CEP350: variants seen among roughly 807,000 people sequenced by gnomAD.
The protein encoded by CEP350 is centrosomal protein 350.
Under a neutral mutation model 331.8 loss-of-function variants are expected in CEP350, and 126 were observed. The ratio of observed to expected loss-of-function variants is 0.38; its 90% CI spans 0.33 to 0.44. CEP350 has a LOEUF of 0.44. CEP350 is among the 20% of genes least tolerant of loss of function. The pLI is 1.00. For synonymous variants in CEP350, 1,200 were observed against 1,259.5 expected (o/e 0.95, Z 1.00); for missense variants, 3,406 against 3,634.6 (o/e 0.94, Z 1.62).
intron 30 of CEP350, among the ~76,000 whole-genome samples, chr1:180,082,480 A>C (rs1476143713): frequency 2.0e-5 from 3 of 152,044 alleles, no homozygotes; most frequent in Non-Finnish European, 4.4e-5. Flanking sequence ...ACACCTGGCT[A>C]ATTTTTGTAT....
At chr1:180,030,339 A>C (rs1193794281) in intron 14 of CEP350, among the ~76,000 whole-genome samples, 2 of 144,632 alleles carry the variant, frequency 1.4e-5, no homozygotes, top group African/African-American at 2.6e-5. Context: ...ATGTGTGTAT[A>C]TATAAACATA....
At chr1:180,092,549 T>C in intron 33 of CEP350, 65 bp from the exon 34 acceptor site, 1 of 1,285,430 alleles carries the variant, frequency 7.8e-7, no homozygotes, top group East Asian at 2.4e-5. Flanking sequence ...CTCTAAACTT[T>C]GGTTCACAAA....
chr1:180,057,243 C>T lies in CEP350; in HGVS notation c.5262+2741C>T, dbSNP rs140344622. ...CCTCCTGAGTAGCTGGGATTACAGG[C>T]GTCTGCCACCACACCCAGCTAATTT... On this transcript the variant is annotated intron_variant, in intron 25 of 37. Transcript: ENST00000367607. Among the ~76,000 whole-genome samples the T allele has an allele frequency of 5.5e-3, 830 of 151,880 alleles. 21 individuals are homozygous for T. The East Asian group carries it at 0.064, about 12-fold the overall frequency.
chr1:180,061,230 C>CT (rs1218359249), intron 25 of CEP350, among the ~76,000 whole-genome samples: 2 of 152,166 alleles, frequency 1.3e-5, no homozygotes, highest in Non-Finnish European at 2.9e-5. Flanking sequence ...GGGTCTCACT[C>CT]TGTTTCCTGG....
chr1:180,099,988 G>A lies in CEP350; in HGVS notation c.9189+1003G>A, dbSNP rs184208654. 7.3e-3 allele frequency among the ~76,000 whole-genome samples: 1,115 copies of A among 152,228 alleles called. 13 individuals carry two copies. The highest frequency in any genetic ancestry group is 0.025 in the African/African-American group (1,046 of 41,536). ...TTTAGTAGAGATGGGATTTCGCCAT[G>A]TTGGCCAGGCTGGTCTCAAACTCCT... On this transcript the variant is annotated intron_variant, in intron 37 of 37. Transcript: ENST00000367607.
At chr1:180,008,086 A>G (rs545758345) in intron 8 of CEP350, among the ~76,000 whole-genome samples, 5 of 152,240 alleles carry the variant, frequency 3.3e-5, no homozygotes, top group African/African-American at 7.2e-5. Context: ...GAACTTTTCT[A>G]TACAAGGGGA....
intron 14 of CEP350, among the ~76,000 whole-genome samples, chr1:180,029,971 T>A (rs889212076): frequency 6.6e-6 from 1 of 152,110 alleles, no homozygotes; most frequent in Non-Finnish European, 1.5e-5. Context: ...AAGGTTCATC[T>A]GTATTGTAGC....
At chr1:180,080,267 A>G (rs1170718423) in intron 29 of CEP350, among the ~76,000 whole-genome samples, 2 of 152,118 alleles carry the variant, frequency 1.3e-5, no homozygotes, top group Admixed American at 6.6e-5. Context: ...TTTTTAAACC[A>G]TGCTCTTTTA....
rs1436164464 is a variant in CEP350 at position 179,992,263 on chromosome 1, C to T, written c.395+42C>T. ...AAAAAAGGTATCAAATAGGTTTAGCCTGTAATATTTACAGTAAGAGTATAC... is the reference window on the plus strand; with the variant it reads ...AAAAAAGGTATCAAATAGGTTTAGCTTGTAATATTTACAGTAAGAGTATAC... On this transcript the variant is annotated intron_variant, in intron 5 of 37. Transcript: ENST00000367607. 5.7e-6 allele frequency: 8 copies of T among 1,409,258 alleles called. No homozygotes were observed. In the African/African-American group the frequency reaches 9.1e-5, roughly 16 times the overall value. 87.3% of individuals were successfully genotyped at this position (1,409,258 alleles called of 1,614,324 possible). A position where few individuals can be genotyped will look rare whatever the true frequency, so the allele number is the denominator to read the frequency against.
At position 180,047,757 on chromosome 1, in the gene CEP350, C is replaced by CAAAAAAAAAAA. The variant is rs5779043; in HGVS notation, c.4623-768_4623-758dup. 2.1e-3 allele frequency among the ~76,000 whole-genome samples: 157 copies of CAAAAAAAAAAA among 73,100 alleles called. 1 individual carries two copies. The highest frequency in any genetic ancestry group is 2.7e-3 in the East Asian group (6 of 2,264). 48.0% of individuals were successfully genotyped at this position (73,100 alleles called of 152,430 possible). A position where few individuals can be genotyped will look rare whatever the true frequency, so the allele number is the denominator to read the frequency against. On this transcript the variant is annotated intron_variant, in intron 21 of 37. Coordinates refer to ENST00000367607, the MANE Select transcript of CEP350 (RefSeq NM_014810.5). The stretch of plus-strand genomic sequence containing the variant: ...GCCTGGGCGACAGAATGAAACTCCT[C>CAAAAAAAAAAA]AAAAAAAAAAAAAAAAAAAAAGAAA...
intron 16 of CEP350, 67 bp from the exon 17 acceptor site, chr1:180,036,859 C>T: frequency 2.1e-6 from 3 of 1,414,518 alleles, no homozygotes; most frequent in Non-Finnish European, 2.8e-6. Context: ...CTTAAAATGA[C>T]AGATTTTAGA....
chr1:180,043,403 G>A (rs1010099856), intron 20 of CEP350, among the ~76,000 whole-genome samples: 1 of 152,248 alleles, frequency 6.6e-6, no homozygotes, highest in Middle Eastern at 3.4e-3. Flanking sequence ...TATGAAAGAA[G>A]GGAACACATG....
intron 22 of CEP350, among the ~76,000 whole-genome samples, chr1:180,050,332 G>C (rs1657402462): frequency 6.6e-6 from 1 of 152,040 alleles, no homozygotes; most frequent in South Asian, 2.1e-4. Context: ...ATTTGATAAA[G>C]GATTTATATC....
intron 1 of CEP350, among the ~76,000 whole-genome samples, chr1:179,968,280 G>A (rs937418858): frequency 5.3e-5 from 8 of 150,168 alleles, no homozygotes; most frequent in Non-Finnish European, 8.9e-5. Flanking sequence ...GCAGTGAGCC[G>A]AGATTGCGCC....
At chr1:180,102,647 T>C (rs1660892817) in intron 37 of CEP350, among the ~76,000 whole-genome samples, 1 of 152,234 alleles carries the variant, frequency 6.6e-6, no homozygotes, top group South Asian at 2.1e-4. Context: ...GTGCATTGTT[T>C]CTGCATCCTT....
chr1:180,020,051 C>T lies in CEP350; in HGVS notation c.2277C>T (p.Leu759=), dbSNP rs1655222653. 6.2e-7 allele frequency: 1 copy of T among 1,614,008 alleles called. No individual in the cohort carries two copies. Among genetic ancestry groups the T allele is most frequent in the Non-Finnish European group, 8.5e-7 (1 of 1,179,882 alleles). The change falls in exon 12 of 38, where the codon CTC becomes CTT. Residue 759 remains leucine, a synonymous_variant. Transcript: ENST00000367607. ...QPFAGTAGSL[L]SHLLSLEHVG... is the part of the protein sequence containing the mutation. ...TTGCTGGAACAGCTGGAAGTTTACT[C>T]TCCCATCTCTTGAGTTTAGAGCATG... is the stretch of plus-strand genomic sequence containing the variant.
intron 1 of CEP350, among the ~76,000 whole-genome samples, chr1:179,964,981 G>A (rs78341879): frequency 6.6e-6 from 1 of 151,490 alleles, no homozygotes; most frequent in Non-Finnish European, 1.5e-5. Context: ...GTTCCTTTAA[G>A]TTCAACTTTA....
At chr1:180,083,984 A>C in intron 30 of CEP350, 34 bp from the exon 31 acceptor site, 1 of 1,243,088 alleles carries the variant, frequency 8.0e-7, no homozygotes, top group Non-Finnish European at 1.1e-6. Flanking sequence ...TCTTAAGTCA[A>C]AATTATAAAT....
intron 1 of CEP350, among the ~76,000 whole-genome samples, chr1:179,971,102 C>T (rs1434152823): frequency 6.6e-6 from 1 of 150,998 alleles, no homozygotes; most frequent in Non-Finnish European, 1.5e-5. Context: ...AATCTCGGCT[C>T]ATTGCAACCT....
Sources: allele counts gnomAD v4.1 joint callset (sites outside exome capture counted in the v4.1 genomes callset), GRCh38; gene constraint gnomAD v4.1.1; transcripts MANE v1.5; gene names NCBI Gene and HGNC (gene_info 2026-07-23, HGNC 2026-07-21).